The following DOCK8 variants were observed in gnomAD, a reference collection of about 807,000 sequenced individuals.
The protein encoded by DOCK8 is dedicator of cytokinesis 8, also known as dedicator of cytokinesis protein 8.
In DOCK8, 141 loss-of-function variants were observed where a neutral mutation model predicts 245.6. The ratio of observed to expected loss-of-function variants is 0.57; its 90% CI spans 0.50 to 0.66. DOCK8 has a LOEUF of 0.66. Among genes scored for constraint, DOCK8 ranks in the 30% least tolerant of loss-of-function variants. The pLI, the probability that DOCK8 is intolerant of heterozygous loss-of-function variation, is 0.00. For synonymous variants in DOCK8, 1,168 were observed against 970.2 expected (o/e 1.20, Z -3.79); for missense variants, 2,965 against 2,603.4 (o/e 1.14, Z -3.02).
intron 25 of DOCK8, among the ~76,000 whole-genome samples, chr9:398,754 T>A (rs1229889045): frequency 6.6e-6 from 1 of 151,436 alleles, no homozygotes; most frequent in African/African-American, 2.4e-5. Flanking sequence ...TAAGAAACTG[T>A]CTCATTGAAA....
intron 14 of DOCK8, among the ~76,000 whole-genome samples, chr9:355,248 G>A (rs2131052569): frequency 7.1e-6 from 1 of 140,562 alleles, no homozygotes; most frequent in South Asian, 2.2e-4. Flanking sequence ...TCTGTCACCA[G>A]GCTGGAGTGC....
chr9:316,483 C>G (rs2050351844), intron 6 of DOCK8, among the ~76,000 whole-genome samples: 1 of 152,154 alleles, frequency 6.6e-6, no homozygotes, highest in African/African-American at 2.4e-5. Flanking sequence ...TTAGGAAGCT[C>G]TAACTGCATA....
chr9:377,139 C>T lies in DOCK8; in HGVS notation c.2368C>T (p.Leu790Phe), dbSNP rs1395513192. 6.2e-7 allele frequency: 1 copy of T among 1,608,120 alleles called. No homozygotes were observed. Among genetic ancestry groups the T allele is most frequent in the Non-Finnish European group, 8.5e-7 (1 of 1,179,746 alleles). Residue 790 changes from leucine (L) to phenylalanine (F), a missense_variant, in exon 20 of 48, where the codon CTC becomes TTC. This residue lies in a region of DOCK8 where 2,825 missense variants were observed against 2,453.5 expected (regional missense o/e 1.15). Transcript: ENST00000432829. ...CTCCTCCCGCCTGGAGCCGCTCGTG[C>T]TCTTCCTGCACCTGGTGCTGGACAA... ...LNSSRLEPLV[L>F]FLHLVLDKLF...
chr9:406,433 G>C (rs1196620468), intron 27 of DOCK8, among the ~76,000 whole-genome samples: 1 of 150,080 alleles, frequency 6.7e-6, no homozygotes, highest in Non-Finnish European at 1.5e-5. Flanking sequence ...GTTGCAGTGA[G>C]CTGAGACCAT....
At chr9:261,011 G>A (rs962527493) in intron 1 of DOCK8, among the ~76,000 whole-genome samples, 4 of 151,768 alleles carry the variant, frequency 2.6e-5, no homozygotes, top group African/African-American at 7.3e-5. Flanking sequence ...TTATTACCCC[G>A]GGAGGCAGAG....
intron 1 of DOCK8, among the ~76,000 whole-genome samples, chr9:243,586 G>T (rs1465278490): frequency 1.3e-5 from 2 of 152,154 alleles, no homozygotes; most frequent in African/African-American, 4.8e-5. Context: ...CCCATGTTCT[G>T]TTTCATCTCA....
intron 1 of DOCK8, among the ~76,000 whole-genome samples, chr9:237,462 C>G (rs371165061): frequency 6.6e-6 from 1 of 152,190 alleles, no homozygotes; most frequent in African/African-American, 2.4e-5. Context: ...CAAGACCAGC[C>G]TGGGCAAAGT....
intron 9 of DOCK8, among the ~76,000 whole-genome samples, chr9:329,251 C>T (rs12551953): frequency 0.37 from 56,228 of 151,874 alleles, 11,308 homozygotes; most frequent in East Asian, 0.7. Flanking sequence ...TGTGCCCGGC[C>T]GTAAAATCAT....
In DOCK8 at chr9:303,682, T is replaced by C. The variant is rs537310036; in HGVS notation, c.405-899T>C. On this transcript the variant is annotated intron_variant, in intron 4 of 47. Transcript: ENST00000432829. The stretch of plus-strand genomic sequence containing the variant: ...CAGGTGTGGGTTGAAAAACTGCCTA[T>C]TGAGTACCATGGTCACTATGTGGGT... Among the ~76,000 whole-genome samples the C allele has an allele frequency of 2.0e-4, 31 of 152,312 alleles. No individual in the cohort carries two copies. The East Asian group carries it at 5.4e-3, about 26-fold the overall frequency.
At chr9:403,892 CTATATA>C (rs768500884) in intron 26 of DOCK8, among the ~76,000 whole-genome samples, 48 of 73,748 alleles carry the variant, frequency 6.5e-4, no homozygotes, top group East Asian at 1.5e-3. Flanking sequence ...CTCTCTCTCT[CTATATA>C]TATATATATA....
At chr9:412,143 C>T (rs2055759289) in intron 28 of DOCK8, among the ~76,000 whole-genome samples, 1 of 152,042 alleles carries the variant, frequency 6.6e-6, no homozygotes, top group Non-Finnish European at 1.5e-5. Context: ...TGGCTCACGC[C>T]TGTAATCCCA....
intron 1 of DOCK8, among the ~76,000 whole-genome samples, chr9:227,544 C>T (rs946118873): frequency 6.6e-6 from 1 of 152,196 alleles, no homozygotes; most frequent in African/African-American, 2.4e-5. Context: ...AGCAGAGCTG[C>T]AGCTGCCCTC....
At chr9:273,965 C>G (rs557067595) in intron 2 of DOCK8, among the ~76,000 whole-genome samples, 1 of 152,272 alleles carries the variant, frequency 6.6e-6, no homozygotes, top group African/African-American at 2.4e-5. Context: ...CTAGGCCTCC[C>G]AAAGTGCTGG....
At chr9:222,551 T>C (rs1040275210) in intron 1 of DOCK8, among the ~76,000 whole-genome samples, 19 of 152,212 alleles carry the variant, frequency 1.2e-4, no homozygotes, top group African/African-American at 4.1e-4. Flanking sequence ...TTTAAATCTT[T>C]ATTTGCCAGT....
At chr9:215,435 G>T (rs373394794) in intron 1 of DOCK8, 2 of 1,505,510 alleles carry the variant, frequency 1.3e-6, no homozygotes, top group Non-Finnish European at 1.8e-6. Flanking sequence ...GAGCGCGGGG[G>T]GAAGAAGTGA....
At chr9:426,356 C>G (rs1040082385) in intron 33 of DOCK8, among the ~76,000 whole-genome samples, 1 of 152,288 alleles carries the variant, frequency 6.6e-6, no homozygotes, top group East Asian at 1.9e-4. Context: ...GCTGAGCAAC[C>G]TCAAGGTGAT....
intron 44 of DOCK8, among the ~76,000 whole-genome samples, chr9:447,992 T>A (rs1259143546): frequency 1.3e-5 from 2 of 151,812 alleles, no homozygotes; most frequent in Non-Finnish European, 2.9e-5. Flanking sequence ...AAACTCATGG[T>A]GCCCAAAAGC....
At position 415,020 on chromosome 9, in the gene DOCK8, T is replaced by G. The variant is rs112735182; in HGVS notation, c.3700+69T>G. 8.7e-4 allele frequency: 1,373 copies of G among 1,575,826 alleles called. 10 individuals are homozygous for G. In the African/African-American group the frequency reaches 0.014, roughly 16 times the overall value. ...TGCCAAATGCCCCATCCGAATGAGA[T>G]CTCTGTCATTCGTTCCAGTGCTGAT... On this transcript the variant is annotated intron_variant, in intron 29 of 47. Coordinates refer to ENST00000432829, the MANE Select transcript of DOCK8 (RefSeq NM_203447.4).
intron 30 of DOCK8, 95 bp downstream of exon 30, chr9:418,302 C>A: frequency 6.6e-7 from 1 of 1,510,294 alleles, no homozygotes; most frequent in South Asian, 1.1e-5. Context: ...GACAGAGTCT[C>A]ACTCTGTTGC....
Sources: allele counts gnomAD v4.1 joint callset (sites outside exome capture counted in the v4.1 genomes callset), GRCh38; gene constraint gnomAD v4.1.1; regional missense constraint gnomAD v4.1.1; transcripts MANE v1.5; gene names NCBI Gene and HGNC (gene_info 2026-07-23, HGNC 2026-07-21).